PTPRD: variants seen among roughly 807,000 people sequenced by gnomAD.
PTPRD encodes protein tyrosine phosphatase receptor type D, also known as receptor-type tyrosine-protein phosphatase delta.
PTPRD carries 34 observed loss-of-function variants against 214.5 expected under a neutral mutation model. The ratio of observed to expected loss-of-function variants is 0.16; its 90% confidence interval spans 0.12 to 0.21. The LOEUF (loss-of-function observed/expected upper bound fraction) is 0.21, where lower values mean the gene tolerates loss of function less well. PTPRD is among the 10% of genes least tolerant of loss of function. PTPRD has a pLI of 1.00. For missense variants in PTPRD, 2,545 were observed against 2,398.7 expected (o/e 1.06, Z -1.27); for synonymous variants, 1,128 against 845.7 (o/e 1.33, Z -5.79).
chr9:10,102,880 T>C (rs2098571530), intron 3 of PTPRD, among the ~76,000 whole-genome samples: 1 of 151,770 alleles, frequency 6.6e-6, no homozygotes, highest in Non-Finnish European at 1.5e-5. Context: ...ATGAAAGCTA[T>C]ATTTTTCTGA....
intron 10 of PTPRD, among the ~76,000 whole-genome samples, chr9:9,112,960 A>ATT (rs200147474): frequency 6.3e-4 from 93 of 147,878 alleles, no homozygotes; most frequent in African/African-American, 2.3e-3. Context: ...CTGAGCTCCT[A>ATT]TTTTTTTCTT....
intron 11 of PTPRD, among the ~76,000 whole-genome samples, chr9:8,790,847 T>C (rs1411190809): frequency 6.6e-6 from 1 of 152,064 alleles, no homozygotes; most frequent in Admixed American, 6.6e-5. Context: ...GCTATTTAAA[T>C]TAATTTAAAA....
At chr9:10,340,572 A>G (rs2096920161) in intron 3 of PTPRD, among the ~76,000 whole-genome samples, 1 of 151,980 alleles carries the variant, frequency 6.6e-6, no homozygotes, top group South Asian at 2.1e-4. Flanking sequence ...AAATAGCCCT[A>G]CATATTTGGA....
At chr9:8,723,950 C>T (rs1034694116) in intron 12 of PTPRD, among the ~76,000 whole-genome samples, 1 of 152,126 alleles carries the variant, frequency 6.6e-6, no homozygotes, top group Non-Finnish European at 1.5e-5. Context: ...TAAATAACTG[C>T]CACAGTACTA....
At chr9:8,636,924 C>A (rs2096454430) in intron 12 of PTPRD, 80 bp from the exon 13 acceptor site, 1 of 1,378,400 alleles carries the variant, frequency 7.3e-7, no homozygotes, top group Non-Finnish European at 1.0e-6. Flanking sequence ...CTCTCCCCAC[C>A]ATCCTCAACC....
intron 14 of PTPRD, among the ~76,000 whole-genome samples, chr9:8,629,857 G>C (rs1417919674): frequency 2.6e-5 from 4 of 151,748 alleles, no homozygotes; most frequent in Non-Finnish European, 1.5e-5. Flanking sequence ...TCTTATTTCG[G>C]GGCACATTCA....
chr9:8,875,424 A>C (rs1021524068), intron 11 of PTPRD, among the ~76,000 whole-genome samples: 3 of 152,140 alleles, frequency 2.0e-5, no homozygotes, highest in Non-Finnish European at 4.4e-5. Context: ...GCTACAAACC[A>C]GGAAATTCTA....
chr9:10,551,067 C>A (rs868703211), intron 2 of PTPRD, among the ~76,000 whole-genome samples: 1 of 152,180 alleles, frequency 6.6e-6, no homozygotes, highest in South Asian at 2.1e-4. Context: ...AGTGCAGTGG[C>A]TCATGCCTGT....
chr9:8,463,235 G>C (rs754207269), intron 32 of PTPRD, among the ~76,000 whole-genome samples: 8 of 131,376 alleles, frequency 6.1e-5, no homozygotes, highest in Non-Finnish European at 1.1e-4. Context: ...AGACTGACTA[G>C]ATTTGCAGAT....
At chr9:9,456,654 T>A (rs1305136248) in intron 8 of PTPRD, among the ~76,000 whole-genome samples, 1 of 151,946 alleles carries the variant, frequency 6.6e-6, no homozygotes, top group Non-Finnish European at 1.5e-5. Flanking sequence ...GGAGTGCTTA[T>A]TATGAGCTAT....
chr9:10,410,784 C>G (rs1007802396), intron 2 of PTPRD, among the ~76,000 whole-genome samples: 2 of 151,724 alleles, frequency 1.3e-5, no homozygotes, highest in African/African-American at 4.8e-5. Flanking sequence ...AGAGTTTGCT[C>G]ATTGGAAATG....
At chr9:10,103,736 C>G (rs2098594911) in intron 3 of PTPRD, among the ~76,000 whole-genome samples, 1 of 151,432 alleles carries the variant, frequency 6.6e-6, no homozygotes, top group South Asian at 2.1e-4. Context: ...GGATGCTTAT[C>G]CTTACAGGCA....
chr9:8,593,014 G>A (rs1201941979), intron 14 of PTPRD, among the ~76,000 whole-genome samples: 2 of 152,184 alleles, frequency 1.3e-5, no homozygotes, highest in Non-Finnish European at 2.9e-5. Flanking sequence ...TTTTTATGTG[G>A]CTGGTATGAA....
intron 2 of PTPRD, among the ~76,000 whole-genome samples, chr9:10,575,980 T>G (rs142640322): frequency 2.4e-4 from 36 of 152,254 alleles, no homozygotes; most frequent in Non-Finnish European, 4.1e-4. Flanking sequence ...ATGATCAGAT[T>G]AGGATGGTTA....
intron 35 of PTPRD, among the ~76,000 whole-genome samples, chr9:8,421,148 ATC>A (rs1424540848): frequency 6.6e-6 from 1 of 152,080 alleles, no homozygotes; most frequent in Non-Finnish European, 1.5e-5. Context: ...GATAAATGAT[ATC>A]TCTCTATATA....
chr9:9,224,874 C>T (rs745771220), intron 9 of PTPRD, among the ~76,000 whole-genome samples: 23 of 151,986 alleles, frequency 1.5e-4, no homozygotes, highest in Admixed American at 7.2e-4. Context: ...GATACATTTG[C>T]TAATTGCTGA....
At chr9:8,582,082 A>C (rs899086779) in intron 14 of PTPRD, among the ~76,000 whole-genome samples, 1 of 152,174 alleles carries the variant, frequency 6.6e-6, no homozygotes, top group Non-Finnish European at 1.5e-5. Context: ...GGAAGTGACA[A>C]AGATTTGAAA....
At chr9:8,722,973 C>T (rs1229527766) in intron 12 of PTPRD, among the ~76,000 whole-genome samples, 2 of 152,154 alleles carry the variant, frequency 1.3e-5, no homozygotes, top group African/African-American at 4.8e-5. Context: ...ATCAAACCTT[C>T]AATGCACTAT....
intron 7 of PTPRD, among the ~76,000 whole-genome samples, chr9:9,668,115 C>T (rs927589619): frequency 6.6e-6 from 1 of 152,116 alleles, no homozygotes; most frequent in African/African-American, 2.4e-5. Flanking sequence ...ACAAAATGAT[C>T]TCCACGTATC....
Sources: allele counts gnomAD v4.1 joint callset (sites outside exome capture counted in the v4.1 genomes callset), GRCh38; gene constraint gnomAD v4.1.1; transcripts MANE v1.5; gene names NCBI Gene and HGNC (gene_info 2026-07-23, HGNC 2026-07-21).